RPS6KA2: variants seen among roughly 807,000 people sequenced by gnomAD.
RPS6KA2 encodes ribosomal protein S6 kinase A2.
Under a neutral mutation model 91.8 loss-of-function variants are expected in RPS6KA2, and 42 were observed. That is an observed-to-expected ratio of 0.46 (90% CI 0.36 to 0.59). The LOEUF is 0.59. Among genes scored for constraint, RPS6KA2 ranks in the 20% least tolerant of loss-of-function variants. The probability of loss-of-function intolerance (pLI) is 0.00; values close to 1 mark genes in which losing one functional copy is unlikely to be tolerated. For synonymous variants in RPS6KA2, 414 were observed against 393.6 expected (o/e 1.05, Z -0.61); for missense variants, 798 against 978.5 (o/e 0.82, Z 2.46).
chr6:166,553,479 G>A (rs1466330838), intron 1 of RPS6KA2, among the ~76,000 whole-genome samples: 9 of 143,346 alleles, frequency 6.3e-5, no homozygotes, highest in African/African-American at 1.0e-4. Context: ...ACTCCTTAAT[G>A]CAAGAAAATG....
At chr6:166,461,705 AAAAAC>A (rs1234478459) in intron 11 of RPS6KA2, among the ~76,000 whole-genome samples, 1 of 152,216 alleles carries the variant, frequency 6.6e-6, no homozygotes, top group Non-Finnish European at 1.5e-5. Flanking sequence ...GATTTCCATT[AAAAAC>A]AAAATAAAAT....
At chr6:166,687,182 G>A (rs1244267132) in intron 2 of RPS6KA2, among the ~76,000 whole-genome samples, 1 of 152,204 alleles carries the variant, frequency 6.6e-6, no homozygotes, top group Non-Finnish European at 1.5e-5. Context: ...CATTGCAACA[G>A]CAGCCACCGC....
chr6:166,465,901 CAA>C (rs1051046904), intron 11 of RPS6KA2, among the ~76,000 whole-genome samples: 15 of 152,292 alleles, frequency 9.8e-5, no homozygotes, highest in African/African-American at 3.6e-4. Flanking sequence ...TGAATTAATG[CAA>C]AAGTGGCATT....
intron 4 of RPS6KA2, among the ~76,000 whole-genome samples, chr6:166,509,740 C>G (rs1173219229): frequency 1.3e-5 from 2 of 152,184 alleles, no homozygotes; most frequent in Non-Finnish European, 2.9e-5. Context: ...AAAAGGCAGA[C>G]AGCAAATGAA....
intron 2 of RPS6KA2, among the ~76,000 whole-genome samples, chr6:166,846,763 A>C (rs577702431): frequency 6.6e-6 from 1 of 152,294 alleles, no homozygotes; most frequent in African/African-American, 2.4e-5. Context: ...ATACTGAACG[A>C]GGAAAAGTTG....
chr6:166,674,616 C>T (rs1165815594), intron 2 of RPS6KA2, among the ~76,000 whole-genome samples: 2 of 152,340 alleles, frequency 1.3e-5, no homozygotes, highest in South Asian at 2.1e-4. Context: ...AAAACTCTTA[C>T]TTCAAAGATA....
At position 166,432,390 on chromosome 6, in the gene RPS6KA2, G is replaced by C. The variant is rs1341058697; in HGVS notation, c.1422+11C>G. ...AGGAAGTGGAGATGCTGTTGCACGG[G>C]GACCACTCACATCCTTGAGGGTGAT... On this transcript the variant is annotated intron_variant, in intron 15 of 20. Transcript: ENST00000265678. 2 of 1,585,702 alleles carry C rather than the reference G, an allele frequency of 1.3e-6. No individual in the cohort carries two copies. Among genetic ancestry groups the C allele is most frequent in the Non-Finnish European group, 8.7e-7 (1 of 1,154,994 alleles).
intron 17 of RPS6KA2, among the ~76,000 whole-genome samples, chr6:166,422,038 T>C (rs1778738941): frequency 6.6e-6 from 1 of 152,150 alleles, no homozygotes; most frequent in Non-Finnish European, 1.5e-5. Context: ...TAGCTGGGAC[T>C]GTGGGCACAC....
intron 2 of RPS6KA2, among the ~76,000 whole-genome samples, chr6:166,851,162 G>A (rs774689556): frequency 6.6e-5 from 10 of 152,172 alleles, no homozygotes; most frequent in Admixed American, 2.6e-4. Flanking sequence ...GGTGCAAGGC[G>A]TGGAAAACAG....
intron 11 of RPS6KA2, among the ~76,000 whole-genome samples, chr6:166,468,353 C>T (rs952462959): frequency 3.3e-5 from 5 of 152,322 alleles, no homozygotes; most frequent in East Asian, 3.9e-4. Context: ...TCTAATCTTA[C>T]GAAAGTTCTT....
Position 166,849,453 on chromosome 6 carries a change from A to G in RPS6KA2, c.123+8747T>C, listed in dbSNP as rs1186502293. Among the ~76,000 whole-genome samples, 1 of 152,178 alleles carries G rather than the reference A, an allele frequency of 6.6e-6. No homozygotes were observed. Among genetic ancestry groups the G allele is most frequent in the Non-Finnish European group, 1.5e-5 (1 of 68,032 alleles). On this transcript the variant is annotated intron_variant, in intron 2 of 21. Transcript: ENST00000503859. The surrounding 1 kb of genome is among the most constrained non-coding windows in gnomAD (Gnocchi z 4.9). ...CCTGGTGCCCAGCACAGGGCCAGACACACAGTTATCACTCCCCAGACTTTG... is the reference window on the plus strand; with the variant it reads ...CCTGGTGCCCAGCACAGGGCCAGACGCACAGTTATCACTCCCCAGACTTTG...
chr6:166,555,057 C>T (rs1438061185), intron 1 of RPS6KA2, among the ~76,000 whole-genome samples: 1 of 152,232 alleles, frequency 6.6e-6, no homozygotes, highest in Non-Finnish European at 1.5e-5. Context: ...CTCAAAGACA[C>T]TGCAATAGCT....
At chr6:166,680,830 C>T (rs1324800327) in intron 2 of RPS6KA2, among the ~76,000 whole-genome samples, 3 of 152,204 alleles carry the variant, frequency 2.0e-5, no homozygotes, top group Non-Finnish European at 4.4e-5. Context: ...GACCGAGAAC[C>T]CACCAATTCT....
At chr6:166,483,772 G>A (rs970945338) in intron 10 of RPS6KA2, among the ~76,000 whole-genome samples, 14 of 152,304 alleles carry the variant, frequency 9.2e-5, no homozygotes, top group East Asian at 1.9e-4. Flanking sequence ...AACTAGAGCC[G>A]ACTCCTGCAC....
chr6:166,418,419 C>A lies in RPS6KA2; in HGVS notation c.1821-77G>T. The A allele has an allele frequency of 9.2e-7, 1 of 1,082,218 alleles. No individual in the cohort carries two copies. The highest frequency in any genetic ancestry group is 1.4e-6 in the Non-Finnish European group (1 of 704,360). The allele number at this position is 1,082,218 out of a possible 1,614,324, so 67.0% of individuals were successfully genotyped here. A position where few individuals can be genotyped will look rare whatever the true frequency, so the allele number is the denominator to read the frequency against. On this transcript the variant is annotated intron_variant, in intron 18 of 20. Coordinates refer to ENST00000265678, the MANE Select transcript of RPS6KA2 (RefSeq NM_021135.6). The surrounding 1 kb of genome is among the most constrained non-coding windows in gnomAD (Gnocchi z 4.9). The stretch of plus-strand genomic sequence containing the variant: ...ATAAAGTTTGCAAGTTGATATCACC[C>A]CTTGGCTGTTCAAAGGAATAGCACT...
At chr6:166,798,503 C>T (rs758069670) in intron 2 of RPS6KA2, among the ~76,000 whole-genome samples, 7 of 152,228 alleles carry the variant, frequency 4.6e-5, no homozygotes, top group Non-Finnish European at 1.0e-4. Context: ...AGCGTCTCTG[C>T]AGATCTGAGC....
intron 2 of RPS6KA2, among the ~76,000 whole-genome samples, chr6:166,538,031 T>A (rs1328315787): frequency 6.6e-6 from 1 of 152,238 alleles, no homozygotes; most frequent in Non-Finnish European, 1.5e-5. Context: ...TTGCTGCAAT[T>A]TGAAGGTGAC....
chr6:166,633,876 G>C (rs1309294903), intron 2 of RPS6KA2, among the ~76,000 whole-genome samples: 1 of 152,182 alleles, frequency 6.6e-6, no homozygotes, highest in African/African-American at 2.4e-5. Context: ...AGCGGAACGT[G>C]CCACGCTTTA....
intron 1 of RPS6KA2, among the ~76,000 whole-genome samples, chr6:166,581,906 T>C (rs867851894): frequency 2.6e-4 from 22 of 83,796 alleles, no homozygotes; most frequent in Non-Finnish European, 3.4e-4. Flanking sequence ...TGGGGTGGAA[T>C]GCCCACTGGG....
Sources: allele counts gnomAD v4.1 joint callset (sites outside exome capture counted in the v4.1 genomes callset), GRCh38; gene constraint gnomAD v4.1.1; non-coding constraint Gnocchi (gnomAD v3.1); transcripts MANE v1.5; gene names NCBI Gene and HGNC (gene_info 2026-07-23, HGNC 2026-07-21).